Variants in CDH18 observed in about 807,000 individuals in gnomAD.
The protein encoded by CDH18 is cadherin 18, also known as cadherin-18.
In CDH18, 31 loss-of-function variants were observed where a neutral mutation model predicts 67.9. The observed-to-expected ratio is 0.46, with a 90% CI of 0.34 to 0.62. The LOEUF is 0.62. CDH18 is among the 20% of genes least tolerant of loss of function. CDH18 has a pLI of 0.01. For synonymous variants in CDH18, 362 were observed against 347.2 expected (o/e 1.04, Z -0.48); for missense variants, 890 against 975.5 (o/e 0.91, Z 1.17).
chr5:19,962,222 T>A (rs1383367545), intron 2 of CDH18, among the ~76,000 whole-genome samples: 1 of 151,770 alleles, frequency 6.6e-6, no homozygotes, highest in Non-Finnish European at 1.5e-5. Context: ...TATCTCTATT[T>A]CTCATATTTT....
intron 2 of CDH18, among the ~76,000 whole-genome samples, chr5:20,080,738 G>A (rs112961140): frequency 1.3e-5 from 2 of 151,956 alleles, no homozygotes; most frequent in Non-Finnish European, 1.5e-5. Context: ...GGAGAGAGGA[G>A]GAGGGGGAAA....
At chr5:19,541,615 T>C (rs928370483) in intron 9 of CDH18, among the ~76,000 whole-genome samples, 1 of 152,070 alleles carries the variant, frequency 6.6e-6, no homozygotes, top group Non-Finnish European at 1.5e-5. Flanking sequence ...AAAAGCAAAG[T>C]CACATATTAC....
chr5:20,316,828 C>G (rs181659360), intron 1 of CDH18, among the ~76,000 whole-genome samples: 2 of 151,996 alleles, frequency 1.3e-5, no homozygotes, highest in Admixed American at 1.3e-4. Context: ...TGATTATTTA[C>G]CAGTGTTCTG....
chr5:19,641,148 A>AC (rs1753938807), intron 5 of CDH18, among the ~76,000 whole-genome samples: 1 of 151,572 alleles, frequency 6.6e-6, no homozygotes, highest in Admixed American at 6.6e-5. Flanking sequence ...TTTTCAAAAA[A>AC]AAAAAAAAAG....
At chr5:20,069,366 T>C (rs1267669096) in intron 2 of CDH18, among the ~76,000 whole-genome samples, 3 of 151,724 alleles carry the variant, frequency 2.0e-5, no homozygotes, top group East Asian at 3.9e-4. Context: ...TTTTACTTTT[T>C]CTAGTCACTC....
chr5:19,909,635 T>G lies in CDH18; in HGVS notation c.-256-70393A>C, dbSNP rs76210185. On this transcript the variant is annotated intron_variant, in intron 2 of 12. Coordinates refer to ENST00000382275, the MANE Select transcript of CDH18 (RefSeq NM_004934.5). ...CTTTTGGTGAATGCTTTTATTATAT[T>G]AATAATTATTACAGCATTAGAAGTC... Among the ~76,000 whole-genome samples, 128 of 152,050 alleles carry G rather than the reference T, an allele frequency of 8.4e-4. 2 individuals carry two copies. In the East Asian group the frequency reaches 0.021, roughly 25 times the overall value.
intron 3 of CDH18, among the ~76,000 whole-genome samples, chr5:19,761,168 G>C (rs1263066750): frequency 1.3e-5 from 2 of 152,208 alleles, no homozygotes; most frequent in Non-Finnish European, 2.9e-5. Flanking sequence ...GCTTATGTCT[G>C]TTTTTCCGCA....
At chr5:20,299,403 TACACACACAC>T (rs56003449) in intron 1 of CDH18, among the ~76,000 whole-genome samples, 13,541 of 138,560 alleles carry the variant, frequency 0.098, 806 homozygotes, top group African/African-American at 0.16. Context: ...CAACATTAGC[TACACACACAC>T]ACACACACAC....
chr5:20,417,236 C>T (rs911636708), intron 1 of CDH18, among the ~76,000 whole-genome samples: 1 of 152,022 alleles, frequency 6.6e-6, no homozygotes, highest in Non-Finnish European at 1.5e-5. Flanking sequence ...TGTTCTGTTG[C>T]CCGAAAGTAT....
chr5:19,657,035 T>C (rs1756500251), intron 5 of CDH18, among the ~76,000 whole-genome samples: 1 of 152,072 alleles, frequency 6.6e-6, no homozygotes, highest in Non-Finnish European at 1.5e-5. Context: ...GAAAATAATA[T>C]TAGTCTTAGG....
intron 12 of CDH18, among the ~76,000 whole-genome samples, chr5:19,477,372 C>T (rs1163230593): frequency 6.6e-6 from 1 of 151,338 alleles, no homozygotes; most frequent in Non-Finnish European, 1.5e-5. Flanking sequence ...CAGGTAGATA[C>T]TCCATAAACA....
At chr5:20,226,601 T>C (rs1304855234) in intron 2 of CDH18, among the ~76,000 whole-genome samples, 1 of 152,114 alleles carries the variant, frequency 6.6e-6, no homozygotes, top group African/African-American at 2.4e-5. Context: ...ATATAGGCAC[T>C]CTCAAATCAC....
intron 2 of CDH18, among the ~76,000 whole-genome samples, chr5:20,220,959 GACAA>G (rs1741175064): frequency 1.3e-5 from 2 of 152,084 alleles, no homozygotes; most frequent in Middle Eastern, 3.4e-3. Context: ...TTATCCAAGA[GACAA>G]ACAAAGACAA....
At chr5:20,327,644 A>T (rs1738728641) in intron 1 of CDH18, among the ~76,000 whole-genome samples, 2 of 152,190 alleles carry the variant, frequency 1.3e-5, no homozygotes, top group African/African-American at 4.8e-5. Flanking sequence ...AAAGACTCTG[A>T]AAAATAATCA....
In CDH18 at chr5:20,456,328, T is replaced by C. The variant is rs1286058535; in HGVS notation, c.-580+119134A>G. On this transcript the variant is annotated intron_variant, in intron 1 of 14. Coordinates refer to the CDH18 transcript ENST00000507958. Reference sequence around the variant, plus strand: ...GCATCGTGTTCCAAGTAAGTTTATTTAGTGGAATTAACTTTCAGGTTTTCA... The same window carrying C: ...GCATCGTGTTCCAAGTAAGTTTATTCAGTGGAATTAACTTTCAGGTTTTCA... 4.6e-5 allele frequency among the ~76,000 whole-genome samples: 7 copies of C among 152,256 alleles called. No homozygotes were observed. The East Asian group carries it at 1.4e-3, about 29-fold the overall frequency.
At chr5:19,757,448 G>A (rs1308806948) in intron 3 of CDH18, among the ~76,000 whole-genome samples, 1 of 152,170 alleles carries the variant, frequency 6.6e-6, no homozygotes, top group African/African-American at 2.4e-5. Context: ...TTGGTGAGTG[G>A]ACGTCCATGT....
rs575758450 is a variant in CDH18, at chr5:20,531,074, C to A, written c.-580+44388G>T. 4.6e-5 allele frequency among the ~76,000 whole-genome samples: 7 copies of A among 152,190 alleles called. No individual in the cohort carries two copies. The South Asian group carries it at 1.2e-3, about 27-fold the overall frequency. ...ACAAACAACCCCATTAAAAAGTGGG[C>A]AAAGGCCATGAACAGACACTTCTCA... On this transcript the variant is annotated intron_variant, in intron 1 of 14. Coordinates refer to the CDH18 transcript ENST00000507958.
At position 19,774,808 on chromosome 5, in the gene CDH18, C is replaced by CAAAAAAAAAAAAAAAA. The variant is rs59248561; in HGVS notation, c.229-27588_229-27573dup. ...TGAGTGACAGAGCAAGACTCTGTCTCAAAAAAAAAAAAAAAAAAAAAAAAA... is the reference window on the plus strand; with the variant it reads ...TGAGTGACAGAGCAAGACTCTGTCTCAAAAAAAAAAAAAAAAAAAAAAAAAAAAAAAAAAAAAAAAA... On this transcript the variant is annotated intron_variant, in intron 3 of 12. Coordinates refer to ENST00000382275, the MANE Select transcript of CDH18 (RefSeq NM_004934.5). Among the ~76,000 whole-genome samples the CAAAAAAAAAAAAAAAA allele has an allele frequency of 7.1e-4, 25 of 35,414 alleles. 5 individuals are homozygous for CAAAAAAAAAAAAAAAA. The highest frequency in any genetic ancestry group is 4.0e-3 in the East Asian group (2 of 502). The allele number at this position is 35,414 out of a possible 152,430, so 23.2% of individuals were successfully genotyped here. A position where few individuals can be genotyped will look rare whatever the true frequency, so the allele number is the denominator to read the frequency against.
chr5:19,823,729 T>C (rs997953293), intron 3 of CDH18, among the ~76,000 whole-genome samples: 53 of 152,086 alleles, frequency 3.5e-4, no homozygotes, highest in African/African-American at 1.3e-3. Flanking sequence ...CAATTAGAGG[T>C]AATAGACACC....
Sources: allele counts gnomAD v4.1 joint callset (sites outside exome capture counted in the v4.1 genomes callset), GRCh38; gene constraint gnomAD v4.1.1; transcripts MANE v1.5; gene names NCBI Gene and HGNC (gene_info 2026-07-23, HGNC 2026-07-21).